STPG2: variants seen among roughly 807,000 people sequenced by gnomAD.
STPG2 encodes the protein sperm-tail PG-rich repeat-containing protein 2.
In STPG2, 56 loss-of-function variants were observed where a neutral mutation model predicts 54.2. The observed-to-expected ratio is 1.03, with a 90% CI of 0.83 to 1.29. STPG2 has a LOEUF of 1.29. Among genes scored for constraint, STPG2 ranks in the 50% most tolerant of loss-of-function variants. STPG2 has a pLI of 0.00. For missense variants in STPG2, 596 were observed against 544.9 expected, an observed-to-expected ratio of 1.09 and a Z score of -0.93; for synonymous variants, 200 against 181.8, an observed-to-expected ratio of 1.10 and a Z score of -0.81.
intron 4 of STPG2, among the ~76,000 whole-genome samples, chr4:97,510,030 G>A (rs1305110989): frequency 6.6e-6 from 1 of 151,910 alleles, no homozygotes; most frequent in Non-Finnish European, 1.5e-5. Flanking sequence ...GGGGACCACT[G>A]CTCTAGGCTA....
intron 5 of STPG2, chr4:98,025,839 G>C: frequency 6.3e-7 from 1 of 1,596,946 alleles, no homozygotes; most frequent in Non-Finnish European, 8.5e-7. Context: ...GGCCTTGCCA[G>C]AACTACCACT....
At chr4:97,475,404 A>C (rs1578327424) in intron 4 of STPG2, among the ~76,000 whole-genome samples, 4 of 150,956 alleles carry the variant, frequency 2.6e-5, no homozygotes, top group Admixed American at 1.3e-4. Context: ...TTTAACTACA[A>C]TGTATAATGT....
chr4:97,646,364 C>T lies in STPG2; in HGVS notation c.1320+66335G>A, dbSNP rs1208794053. ...TATCAGTCTTATTACGGTTGCAAAG[C>T]GGCCACTTAATATTTTTCTTTTTTA... On this transcript the variant is annotated intron_variant, in intron 10 of 10. Transcript: ENST00000295268. Among the ~76,000 whole-genome samples the T allele has an allele frequency of 2.6e-5, 4 of 152,158 alleles. 1 individual carries two copies. The highest frequency in any genetic ancestry group is 4.1e-4 in the South Asian group (2 of 4,826).
intron 10 of STPG2, among the ~76,000 whole-genome samples, chr4:97,569,358 T>C (rs539438276): frequency 6.6e-6 from 1 of 152,138 alleles, no homozygotes; most frequent in Non-Finnish European, 1.5e-5. Flanking sequence ...ACCATCTTGG[T>C]TTTGGCCAGC....
At chr4:97,860,896 G>C (rs1299349887) in intron 8 of STPG2, among the ~76,000 whole-genome samples, 1 of 152,024 alleles carries the variant, frequency 6.6e-6, no homozygotes, top group African/African-American at 2.4e-5. Flanking sequence ...CATTCAACAT[G>C]ATGTTTCCTT....
intron 9 of STPG2, among the ~76,000 whole-genome samples, chr4:97,758,137 G>GA (rs1473454484): frequency 2.0e-5 from 3 of 152,106 alleles, no homozygotes; most frequent in Non-Finnish European, 4.4e-5. Flanking sequence ...GGTATTTCAG[G>GA]AAAAATAATT....
At chr4:97,613,475 C>CGTGT (rs70953075) in intron 10 of STPG2, among the ~76,000 whole-genome samples, 2,472 of 142,316 alleles carry the variant, frequency 0.017, 29 homozygotes, top group South Asian at 0.026. Flanking sequence ...AGTCATCACC[C>CGTGT]GTGTGTGTGT....
At chr4:97,530,492 A>C (rs955212543) in intron 4 of STPG2, among the ~76,000 whole-genome samples, 2 of 151,636 alleles carry the variant, frequency 1.3e-5, no homozygotes, top group African/African-American at 4.9e-5. Context: ...TTGTTTGAAA[A>C]CCAAAATGTG....
rs115452733 is a variant in STPG2 at position 97,476,338 on chromosome 4, T to C, written c.462+236361A>G. Among the ~76,000 whole-genome samples, 920 of 152,270 alleles carry C rather than the reference T, an allele frequency of 6.0e-3. 5 individuals carry two copies. Among genetic ancestry groups the C allele is most frequent in the South Asian group, 0.02 (98 of 4,828 alleles). ...AGTTATACTTTCATAATCAAAATTT[T>C]CTAATTTGTTATTTTAACTTAAAAA... On this transcript the variant is annotated intron_variant, in intron 4 of 4. Transcript: ENST00000522676.
intron 10 of STPG2, among the ~76,000 whole-genome samples, chr4:97,634,496 C>T (rs1395808394): frequency 2.6e-5 from 4 of 152,180 alleles, no homozygotes; most frequent in Non-Finnish European, 5.9e-5. Flanking sequence ...CAGAGAATGA[C>T]TTTGACGAGC....
chr4:98,132,545 A>C (rs577996293), intron 2 of STPG2, among the ~76,000 whole-genome samples: 201 of 152,146 alleles, frequency 1.3e-3, no homozygotes, highest in African/African-American at 4.6e-3. Context: ...ATTATCTGAA[A>C]TAAACTTCTT....
chr4:97,758,156 T>A (rs1014166825), intron 9 of STPG2, among the ~76,000 whole-genome samples: 7 of 152,160 alleles, frequency 4.6e-5, no homozygotes, highest in African/African-American at 1.4e-4. Flanking sequence ...TTTTTGTTTA[T>A]TAAAGTACCT....
At chr4:97,519,468 C>A (rs1281872746) in intron 4 of STPG2, among the ~76,000 whole-genome samples, 2 of 151,670 alleles carry the variant, frequency 1.3e-5, no homozygotes, top group Non-Finnish European at 2.9e-5. Flanking sequence ...AGAACTCCAG[C>A]AAGGTATGGA....
intron 10 of STPG2, among the ~76,000 whole-genome samples, chr4:97,623,406 A>C (rs1385790416): frequency 6.6e-6 from 1 of 152,100 alleles, no homozygotes; most frequent in Non-Finnish European, 1.5e-5. Context: ...AAGAACCATA[A>C]ATTTACAACA....
At chr4:97,961,988 A>T (rs1733907049) in intron 7 of STPG2, among the ~76,000 whole-genome samples, 1 of 152,220 alleles carries the variant, frequency 6.6e-6, no homozygotes, top group South Asian at 2.1e-4. Context: ...GTGGATAAAG[A>T]AACTGTGGTA....
intron 3 of STPG2, among the ~76,000 whole-genome samples, chr4:98,118,901 T>C (rs1453466356): frequency 6.6e-6 from 1 of 152,122 alleles, no homozygotes; most frequent in Admixed American, 6.6e-5. Flanking sequence ...TATAGCACTT[T>C]GAGTAAAATA....
chr4:98,017,107 T>C (rs1265066967), intron 5 of STPG2, among the ~76,000 whole-genome samples: 1 of 152,192 alleles, frequency 6.6e-6, no homozygotes, highest in African/African-American at 2.4e-5. Context: ...TAGCACTTTG[T>C]TGGACCTGGA....
At chr4:97,739,796 T>C (rs1447131158) in intron 9 of STPG2, among the ~76,000 whole-genome samples, 2 of 148,798 alleles carry the variant, frequency 1.3e-5, no homozygotes, top group African/African-American at 2.5e-5. Flanking sequence ...CAGGGAGGAA[T>C]TGGTATCATT....
At chr4:97,725,138 G>A (rs1267753182) in intron 9 of STPG2, among the ~76,000 whole-genome samples, 1 of 152,036 alleles carries the variant, frequency 6.6e-6, no homozygotes, top group African/African-American at 2.4e-5. Context: ...ATGATAGTGG[G>A]AAGGCAGTCG....
Sources: allele counts gnomAD v4.1 joint callset (sites outside exome capture counted in the v4.1 genomes callset), GRCh38; gene constraint gnomAD v4.1.1; transcripts MANE v1.5; gene names NCBI Gene and HGNC (gene_info 2026-07-23, HGNC 2026-07-21).